The following SYT16 variants were observed in gnomAD, a reference collection of about 807,000 sequenced individuals.
SYT16 encodes the protein synaptotagmin 16.
In SYT16, 42 loss-of-function variants were observed where a neutral mutation model predicts 61.4. The observed-to-expected ratio is 0.68, with a 90% CI of 0.53 to 0.89. SYT16 has a LOEUF of 0.89. Among genes scored for constraint, SYT16 ranks in the 40% least tolerant of loss-of-function variants. The pLI is 0.00. For missense variants in SYT16, 804 were observed against 807.3 expected, an observed-to-expected ratio of 1.00 and a Z score of 0.05; for synonymous variants, 314 against 302.3, an observed-to-expected ratio of 1.04 and a Z score of -0.40.
At chr14:61,883,361 C>G (rs1424923465) in intron 1 of SYT16, among the ~76,000 whole-genome samples, 2 of 152,154 alleles carry the variant, frequency 1.3e-5, no homozygotes, top group Non-Finnish European at 2.9e-5. Context: ...TTTATTCTAC[C>G]AGATACCCAC....
At chr14:62,028,343 A>G (rs1020992237) in intron 3 of SYT16, among the ~76,000 whole-genome samples, 1 of 152,316 alleles carries the variant, frequency 6.6e-6, no homozygotes, top group African/African-American at 2.4e-5. Context: ...TAAATGCTTT[A>G]TGTACACTAA....
chr14:61,949,424 AT>A (rs2050577974), intron 1 of SYT16, among the ~76,000 whole-genome samples: 1 of 152,030 alleles, frequency 6.6e-6, no homozygotes, highest in Non-Finnish European at 1.5e-5. Flanking sequence ...TGAACGTTAA[AT>A]CTCATATATT....
At chr14:62,064,897 C>A (rs1341204576) in intron 3 of SYT16, among the ~76,000 whole-genome samples, 2 of 152,208 alleles carry the variant, frequency 1.3e-5, no homozygotes, top group Non-Finnish European at 2.9e-5. Context: ...ATTACTGTAA[C>A]AGTGCCACTA....
At chr14:62,093,947 G>A (rs949612704) in intron 7 of SYT16, among the ~76,000 whole-genome samples, 5 of 152,046 alleles carry the variant, frequency 3.3e-5, no homozygotes, top group Admixed American at 6.6e-5. Flanking sequence ...TCTCTAAGCT[G>A]TAACTCAGAC....
chr14:61,905,418 A>G (rs2048666920), intron 1 of SYT16, among the ~76,000 whole-genome samples: 1 of 152,250 alleles, frequency 6.6e-6, no homozygotes, highest in Non-Finnish European at 1.5e-5. Context: ...TATGCACCAA[A>G]CTATTATATT....
chr14:62,088,709 TA>T (rs1278295904), intron 7 of SYT16, among the ~76,000 whole-genome samples: 1 of 152,092 alleles, frequency 6.6e-6, no homozygotes, highest in African/African-American at 2.4e-5. Flanking sequence ...TGGCTACAAT[TA>T]AAATGGATTA....
At chr14:62,084,962 TGTG>T (rs1024483538) in intron 7 of SYT16, among the ~76,000 whole-genome samples, 1 of 152,212 alleles carries the variant, frequency 6.6e-6, no homozygotes, top group African/African-American at 2.4e-5. Flanking sequence ...TGTTAATGGT[TGTG>T]GTGGTGACAG....
At chr14:62,060,184 C>G (rs2140915589) in intron 3 of SYT16, among the ~76,000 whole-genome samples, 1 of 152,160 alleles carries the variant, frequency 6.6e-6, no homozygotes, top group African/African-American at 2.4e-5. Flanking sequence ...AATCATTACA[C>G]TGGTTGAGGG....
intron 3 of SYT16, among the ~76,000 whole-genome samples, chr14:62,068,967 T>A (rs1412375256): frequency 6.6e-6 from 1 of 152,106 alleles, no homozygotes; most frequent in Non-Finnish European, 1.5e-5. Flanking sequence ...GGCTAATTTT[T>A]GTATTTTTTG....
chr14:61,886,425 C>T (rs982133866), intron 1 of SYT16, among the ~76,000 whole-genome samples: 3 of 152,196 alleles, frequency 2.0e-5, no homozygotes, highest in Non-Finnish European at 2.9e-5. Flanking sequence ...CGAACCTTGC[C>T]ACTTCTTTAT....
intron 2 of SYT16, among the ~76,000 whole-genome samples, chr14:61,978,970 G>A (rs866800592): frequency 2.0e-5 from 3 of 152,150 alleles, no homozygotes; most frequent in Non-Finnish European, 2.9e-5. Context: ...TCAAGATTTC[G>A]AGACTTTTAG....
At chr14:61,919,857 C>G (rs922705372) in intron 1 of SYT16, among the ~76,000 whole-genome samples, 2 of 1,666 alleles carry the variant, frequency 1.2e-3, no homozygotes, top group Non-Finnish European at 3.0e-3. Context: ...CTAGAAAAAG[C>G]TATCTGATAT....
intron 3 of SYT16, among the ~76,000 whole-genome samples, chr14:62,040,134 G>A (rs145851244): frequency 6.6e-6 from 1 of 152,178 alleles, no homozygotes; most frequent in Non-Finnish European, 1.5e-5. Context: ...ACAGCTGCAG[G>A]AATGGGGAAG....
intron 1 of SYT16, among the ~76,000 whole-genome samples, chr14:61,836,528 T>C (rs2046135209): frequency 6.6e-6 from 1 of 152,252 alleles, no homozygotes; most frequent in African/African-American, 2.4e-5. Context: ...GCCATTCTCC[T>C]ACATTCCTTC....
chr14:62,025,129 A>T (rs367840794), intron 3 of SYT16, among the ~76,000 whole-genome samples: 11 of 152,200 alleles, frequency 7.2e-5, no homozygotes, highest in South Asian at 4.1e-4. Context: ...CGTGTTTTCA[A>T]TTCTTTTGGA....
At chr14:62,052,251 A>C (rs1283727218) in intron 3 of SYT16, among the ~76,000 whole-genome samples, 1 of 152,110 alleles carries the variant, frequency 6.6e-6, no homozygotes, top group African/African-American at 2.4e-5. Flanking sequence ...ATACCCCACA[A>C]ATGTATGATA....
intron 1 of SYT16, among the ~76,000 whole-genome samples, chr14:61,816,660 A>T (rs140356403): frequency 6.6e-6 from 1 of 152,252 alleles, no homozygotes; most frequent in East Asian, 1.9e-4. Flanking sequence ...CCCCCAGGAC[A>T]ACCCATTTCT....
intron 3 of SYT16, among the ~76,000 whole-genome samples, chr14:62,029,876 G>C (rs940697256): frequency 1.3e-5 from 2 of 151,994 alleles, no homozygotes; most frequent in African/African-American, 4.8e-5. Flanking sequence ...TGATATGTTT[G>C]TGTGTGTTTC....
chr14:61,994,932 G>T (rs1026856244), intron 2 of SYT16, among the ~76,000 whole-genome samples: 4 of 152,152 alleles, frequency 2.6e-5, no homozygotes, highest in African/African-American at 9.7e-5. Context: ...TTAGTTAAAA[G>T]GAAGTTATTG....
Sources: gnomAD v4.1 joint callset for allele counts (sites outside exome capture counted in the v4.1 genomes callset) on GRCh38, gnomAD v4.1.1 for gene constraint, MANE v1.5 for transcripts, NCBI Gene and HGNC (gene_info 2026-07-23, HGNC 2026-07-21) for gene names.